UBE2O: variants seen among roughly 807,000 people sequenced by gnomAD.
UBE2O encodes the protein (E3-independent) E2 ubiquitin-conjugating enzyme.
UBE2O carries 15 observed loss-of-function variants against 125.8 expected under a neutral mutation model. That is an observed-to-expected ratio of 0.12 (90% CI 0.08 to 0.18). UBE2O has a LOEUF of 0.18. Ranked by LOEUF, UBE2O falls within the 10% of genes least tolerant of loss-of-function variation. The pLI, the probability that UBE2O is intolerant of heterozygous loss-of-function variation, is 1.00. For missense variants in UBE2O, 1,280 were observed against 1,723.6 expected, an observed-to-expected ratio of 0.74 and a Z score of 4.56; for synonymous variants, 708 against 703.2, an observed-to-expected ratio of 1.01 and a Z score of -0.11.
intron 1 of UBE2O, among the ~76,000 whole-genome samples, chr17:76,438,483 G>A (rs559202587): frequency 3.9e-5 from 6 of 152,072 alleles, no homozygotes; most frequent in South Asian, 2.1e-4. Flanking sequence ...TCAGCTGTAC[G>A]TGCAAGGCTG....
At position 76,452,188 on chromosome 17, in the gene UBE2O, A is replaced by G. The variant is rs1274730576; in HGVS notation, c.417+537T>C. Among the ~76,000 whole-genome samples, 2 of 152,190 alleles carry G rather than the reference A, an allele frequency of 1.3e-5. No individual in the cohort carries two copies. The highest frequency in any genetic ancestry group is 1.5e-5 in the Non-Finnish European group (1 of 68,038). On this transcript the variant is annotated intron_variant, in intron 1 of 17. Transcript: ENST00000319380. The surrounding 1 kb of genome is among the most constrained non-coding windows in gnomAD (Gnocchi z 4.4). The stretch of plus-strand genomic sequence containing the variant: ...CAATTAAAAGGAGGCAGCAGGGTAA[A>G]ACAAAAAGAGGCTGGGTGGCTTCAC...
At chr17:76,434,361 T>G (rs1248241707) in intron 1 of UBE2O, among the ~76,000 whole-genome samples, 3 of 151,750 alleles carry the variant, frequency 2.0e-5, no homozygotes, top group African/African-American at 7.3e-5. Flanking sequence ...GGGGCAAGGG[T>G]CTATGGGAGA....
At chr17:76,418,042 C>T (rs2072645087) in intron 1 of UBE2O, among the ~76,000 whole-genome samples, 1 of 152,134 alleles carries the variant, frequency 6.6e-6, no homozygotes, top group African/African-American at 2.4e-5. Context: ...GAGGAAGGCG[C>T]AGGGGGAGGT....
intron 1 of UBE2O, among the ~76,000 whole-genome samples, chr17:76,433,149 A>G (rs1294365471): frequency 6.6e-6 from 1 of 152,022 alleles, no homozygotes; most frequent in Non-Finnish European, 1.5e-5. Flanking sequence ...TGCTTATAGC[A>G]GCATTATTCA....
At chr17:76,417,899 G>C (rs2072643176) in intron 1 of UBE2O, among the ~76,000 whole-genome samples, 1 of 152,186 alleles carries the variant, frequency 6.6e-6, no homozygotes, top group Admixed American at 6.5e-5. Context: ...CAGTCTCCAT[G>C]ATGGTGCTGT....
At position 76,401,165 on chromosome 17, in the gene UBE2O, T is replaced by C. The variant is rs1486877633; in HGVS notation, c.751-11A>G. ...ATCGAAGAAGAGACCCTGCGGGATG[T>C]GGGGCCAAAGGAAAGTCCCCGTGAG... On this transcript the variant is annotated splice_polypyrimidine_tract_variant and intron_variant, in intron 5 of 17. Transcript: ENST00000319380. 5 of 1,612,608 alleles carry C rather than the reference T, an allele frequency of 3.1e-6. No homozygotes were observed. Among genetic ancestry groups the C allele is most frequent in the Non-Finnish European group, 4.2e-6 (5 of 1,179,432 alleles).
At chr17:76,416,191 T>C (rs2072613269) in intron 1 of UBE2O, among the ~76,000 whole-genome samples, 1 of 151,652 alleles carries the variant, frequency 6.6e-6, no homozygotes. Flanking sequence ...TGTATATGTA[T>C]ATGTGTATAT....
intron 1 of UBE2O, among the ~76,000 whole-genome samples, chr17:76,414,949 TAGG>T (rs1405938006): frequency 2.0e-5 from 3 of 152,172 alleles, no homozygotes; most frequent in Middle Eastern, 3.2e-3. Flanking sequence ...TGGGCATCTT[TAGG>T]AGAAGGCCGC....
intron 1 of UBE2O, among the ~76,000 whole-genome samples, chr17:76,442,549 G>C (rs1220209151): frequency 6.6e-6 from 1 of 152,252 alleles, no homozygotes; most frequent in Admixed American, 6.5e-5. Flanking sequence ...TTTAGGATTT[G>C]CTGTCTCTGT....
chr17:76,418,820 C>T (rs536345083), intron 1 of UBE2O, among the ~76,000 whole-genome samples: 41 of 152,234 alleles, frequency 2.7e-4, no homozygotes, highest in African/African-American at 6.0e-4. Context: ...CCACCCGCGT[C>T]GGCCTCCCAA....
At chr17:76,447,182 C>G (rs12449452) in intron 1 of UBE2O, among the ~76,000 whole-genome samples, 69,143 of 152,204 alleles carry the variant, frequency 0.45, 18,803 homozygotes, top group Non-Finnish European at 0.6. Flanking sequence ...CATGTTGGAT[C>G]AGGGCACTCG....
chr17:76,399,062 T>C lies in UBE2O; in HGVS notation c.1629-71A>G. ...CCGCGGAAAGGGCAGAGAGTCTTTC[T>C]GTCCCTTCCTGTCCCTGTGGGCTTG... On this transcript the variant is annotated intron_variant, in intron 9 of 17. Transcript: ENST00000319380. This position sits in a 1 kb window ranked among gnomAD's most constrained non-coding sequence, Gnocchi z 6.9. The C allele has an allele frequency of 6.5e-7, 1 of 1,535,054 alleles. No homozygotes were observed. Among genetic ancestry groups the C allele is most frequent in the Non-Finnish European group, 8.8e-7 (1 of 1,139,286 alleles).
chr17:76,442,765 G>A (rs752397602), intron 1 of UBE2O, among the ~76,000 whole-genome samples: 1 of 152,196 alleles, frequency 6.6e-6, no homozygotes, highest in Admixed American at 6.5e-5. Context: ...CAATCCAGGC[G>A]ATCACTTGGG....
chr17:76,428,223 C>T (rs1001325746), intron 1 of UBE2O, among the ~76,000 whole-genome samples: 16 of 152,128 alleles, frequency 1.1e-4, no homozygotes, highest in Non-Finnish European at 1.8e-4. Flanking sequence ...TTTTGCTCTT[C>T]GGAAGCTTTA....
chr17:76,430,600 G>T, intron 1 of UBE2O: 1 of 319,210 alleles, frequency 3.1e-6, no homozygotes, highest in South Asian at 2.6e-5. Context: ...CCATGAGACT[G>T]ATCAATCAAA....
chr17:76,403,875 G>A (rs2072373359), intron 3 of UBE2O, among the ~76,000 whole-genome samples: 1 of 152,030 alleles, frequency 6.6e-6, no homozygotes, highest in Admixed American at 6.6e-5. Flanking sequence ...ATGTGAGAAG[G>A]ACATGAAAGC....
chr17:76,396,545 G>C lies in UBE2O; in HGVS notation c.2392C>G (p.Leu798Val), dbSNP rs773097201. 1.2e-6 allele frequency: 2 copies of C among 1,612,018 alleles called. No homozygotes were observed. Among genetic ancestry groups the C allele is most frequent in the Admixed American group, 1.7e-5 (1 of 59,646 alleles). Residue 798 changes from leucine to valine, a missense_variant, in exon 14 of 18, where the codon CTG (leucine) becomes GTG (valine). Transcript: ENST00000319380. This position sits in a 1 kb window ranked among gnomAD's most constrained non-coding sequence, Gnocchi z 6.7. The stretch of plus-strand genomic sequence containing the variant: ...CCGTCCTTGCCAGCCTTCTCCATCA[G>C]CCCGGCCATGGGGGCAGCCATGGCC... ...AVAMAAPMAGLMEKAGKDGPP... is the reference protein window; with the variant it reads ...AVAMAAPMAGVMEKAGKDGPP...
Position 76,398,826 on chromosome 17 carries a change from G to C in UBE2O, c.1783+11C>G, listed in dbSNP as rs764480697. 2 of 1,612,452 alleles carry C rather than the reference G, an allele frequency of 1.2e-6. No homozygotes were observed. Among genetic ancestry groups the C allele is most frequent in the Admixed American group, 1.7e-5 (1 of 59,916 alleles). On this transcript the variant is annotated intron_variant, in intron 10 of 17. Coordinates refer to ENST00000319380, the MANE Select transcript of UBE2O (RefSeq NM_022066.4). This position sits in a 1 kb window ranked among gnomAD's most constrained non-coding sequence, Gnocchi z 5.4. ...CCACCCTGCTGGCTGCCCTTCCAGA[G>C]CTGGCACTACCTCGCTTATCTACCA...
rs1418090805 is a variant in UBE2O at position 76,415,366 on chromosome 17, GAAGT to G, written c.418-9798_418-9795del. 3.9e-5 allele frequency among the ~76,000 whole-genome samples: 6 copies of G among 152,306 alleles called. No individual in the cohort carries two copies. The South Asian group carries it at 6.2e-4, about 16-fold the overall frequency. ...TCCACAGGAGACTGGGTGGCTTGGA[GAAGT>G]AAGTGAGCTGCCTAAGGTCACCCAA... On this transcript the variant is annotated intron_variant, in intron 1 of 17. Coordinates refer to ENST00000319380, the MANE Select transcript of UBE2O (RefSeq NM_022066.4).
Sources: allele counts gnomAD v4.1 joint callset (sites outside exome capture counted in the v4.1 genomes callset), GRCh38; gene constraint gnomAD v4.1.1; non-coding constraint Gnocchi (gnomAD v3.1); transcripts MANE v1.5; gene names NCBI Gene and HGNC (gene_info 2026-07-23, HGNC 2026-07-21).